Variants in NIP7 observed in about 807,000 individuals in gnomAD.
NIP7 encodes nucleolar pre-rRNA processing protein NIP7, also known as 60S ribosome subunit biogenesis protein NIP7 homolog.
NIP7 carries 12 observed loss-of-function variants against 20.1 expected under a neutral mutation model. The observed-to-expected ratio is 0.60, with a 90% CI of 0.38 to 0.97. The LOEUF is 0.97. NIP7 is among the 50% of genes least tolerant of loss of function. NIP7 has a pLI of 0.00. For missense variants in NIP7, 226 were observed against 226.6 expected (o/e 1.00, Z 0.02); for synonymous variants, 103 against 87.2 (o/e 1.18, Z -1.01).
chr16:69,341,038 TAGAC>T (rs1567434879), intron 3 of NIP7, 138 bp from the exon 4 acceptor site: 20 of 717,016 alleles, frequency 2.8e-5, no homozygotes, highest in Non-Finnish European at 4.5e-5. Context: ...GTTCAGGAGA[TAGAC>T]AGTTTGAGGA....
In NIP7 at chr16:69,341,541, G is replaced by A; in HGVS notation, c.432G>A (p.Gly144=). The change falls in exon 5 of 5, where the codon GGG becomes GGA. Residue 144 remains glycine, a synonymous_variant. Transcript: ENST00000254940. ...CTTCTTTTGAATCCCAGGGTTTTGG[G>A]GTGGCAGCCAAATCTACACAAGACT... is the stretch of plus-strand genomic sequence containing the variant. ...YSMADIPLGF[G]VAAKSTQDCR... 6.2e-7 allele frequency: 1 copy of A among 1,614,078 alleles called. No individual in the cohort carries two copies. The highest frequency in any genetic ancestry group is 8.5e-7 in the Non-Finnish European group (1 of 1,180,002).
At chr16:69,339,952 G>A in intron 1 of NIP7, 54 bp from the exon 2 acceptor site, 1 of 1,613,162 alleles carries the variant, frequency 6.2e-7, no homozygotes, top group Admixed American at 1.7e-5. Flanking sequence ...TGGGGGCGCG[G>A]TGCCGGAGAC....
intron 3 of NIP7, 91 bp downstream of exon 3, chr16:69,340,423 C>T (rs759454759): frequency 6.0e-6 from 9 of 1,503,334 alleles, no homozygotes; most frequent in Non-Finnish European, 8.1e-6. Context: ...GAGTCCCTGA[C>T]AGTGTGCTTG....
Position 69,340,015 on chromosome 16 carries a change from G to C in NIP7, c.66G>C (p.Glu22Asp). ...MFEKIAKYIG[E>D]NLQLLVDRPD... ...CTCTTTTTGCCCTCAGCATTGGGGA[G>C]AATCTTCAACTGCTGGTGGACCGGC... Residue 22 changes from glutamate to aspartate, a missense_variant, in exon 2 of 5, where the codon GAG (glutamate) becomes GAC (aspartate). Transcript: ENST00000254940. The C allele has an allele frequency of 1.2e-6, 2 of 1,614,136 alleles. No individual in the cohort carries two copies. Among genetic ancestry groups the C allele is most frequent in the Non-Finnish European group, 1.7e-6 (2 of 1,180,032 alleles).
Position 69,342,669 on chromosome 16 carries a change from A to ATT in NIP7, c.*1018_*1019dup, listed in dbSNP as rs1419566734. 1 of 152,040 alleles carries ATT rather than the reference A, an allele frequency of 6.6e-6. No individual in the cohort carries two copies. Among genetic ancestry groups the ATT allele is most frequent in the Non-Finnish European group, 1.5e-5 (1 of 68,024 alleles). The allele number at this position is 152,040 out of a possible 1,614,324, so 9.4% of individuals were successfully genotyped here. ...TGGAATAAATGGTAATTATTTTTATATTATATATATTATGTATTCCTGTTA... is the reference window on the plus strand; with the variant it reads ...TGGAATAAATGGTAATTATTTTTATATTTTATATATATTATGTATTCCTGTTA... On this transcript the variant is annotated 3_prime_UTR_variant, in exon 5 of 5. Transcript: ENST00000254940.
At position 69,340,227 on chromosome 16, in the gene NIP7, C is replaced by T. The variant is rs907210470; in HGVS notation, c.177C>T (p.Ser59=). The T allele has an allele frequency of 2.5e-6, 4 of 1,614,038 alleles. No homozygotes were observed. The highest frequency in any genetic ancestry group is 2.5e-6 in the Non-Finnish European group (3 of 1,180,056). ...TTATGAAGCTGGCCGCCAATATTTCCGGGGACAAGCTGGTGTCGCTGGGGA... is the reference window on the plus strand; with the variant it reads ...TTATGAAGCTGGCCGCCAATATTTCTGGGGACAAGCTGGTGTCGCTGGGGA... ...EKIMKLAANI[S]GDKLVSLGTC... is the part of the protein sequence containing the mutation. The change falls in exon 3 of 5, where the codon TCC becomes TCT. Residue 59 remains serine, a synonymous_variant. Coordinates refer to ENST00000254940, the MANE Select transcript of NIP7 (RefSeq NM_016101.5).
rs2012541622 is a variant in NIP7, at chr16:69,341,301, C to T, written c.404C>T (p.Ser135Phe). The T allele has an allele frequency of 6.2e-7, 1 of 1,614,048 alleles. No individual in the cohort carries two copies. The highest frequency in any genetic ancestry group is 8.5e-7 in the Non-Finnish European group (1 of 1,179,998). ...CAGTACCAGGGCGTGGTGGTGTACT[C>T]CATGGCAGACATCCCTTTGGTGAGT... ...TSQYQGVVVY[S>F]MADIPLGFGV... The change falls in exon 4 of 5, where the codon TCC (serine) becomes TTC (phenylalanine). Residue 135 changes from serine to phenylalanine, a missense_variant. Ser to Phe is a radical substitution (Grantham distance 155). Transcript: ENST00000254940.
rs746784045 is a variant in NIP7, at chr16:69,341,788, C to T, written c.*136C>T. On this transcript the variant is annotated 3_prime_UTR_variant, in exon 5 of 5. Coordinates refer to ENST00000254940, the MANE Select transcript of NIP7 (RefSeq NM_016101.5). ...AGGGACTTCTTATTTACTGTACTCTCTATCACTGACAAATGCAGGCTGGAT... is the reference window on the plus strand; with the variant it reads ...AGGGACTTCTTATTTACTGTACTCTTTATCACTGACAAATGCAGGCTGGAT... 1.1e-5 allele frequency: 11 copies of T among 989,296 alleles called. No individual in the cohort carries two copies. Among genetic ancestry groups the T allele is most frequent in the African/African-American group, 3.2e-5 (2 of 61,572 alleles). The allele number at this position is 989,296 out of a possible 1,614,324, so 61.3% of individuals were successfully genotyped here. A position where few individuals can be genotyped will look rare whatever the true frequency, so the allele number is the denominator to read the frequency against.
In NIP7 at chr16:69,339,772, G is replaced by T; in HGVS notation, c.-58G>T. On this transcript the variant is annotated 5_prime_UTR_variant, in exon 1 of 5. Coordinates refer to ENST00000254940, the MANE Select transcript of NIP7 (RefSeq NM_016101.5). ...GATTGCCGGGGAGCAGCGAGCGACC[G>T]ACTTCCGTTTCCAGTTACCAAGGCA... 3 of 1,598,008 alleles carry T rather than the reference G, an allele frequency of 1.9e-6. No individual in the cohort carries two copies. The South Asian group carries it at 3.3e-5, about 18-fold the overall frequency.
chr16:69,341,771 C>A lies in NIP7; in HGVS notation c.*119C>A. ...AACACTCTGGCCTCTTCAGGGACTT[C>A]TTATTTACTGTACTCTCTATCACTG... On this transcript the variant is annotated 3_prime_UTR_variant, in exon 5 of 5. Coordinates refer to ENST00000254940, the MANE Select transcript of NIP7 (RefSeq NM_016101.5). The A allele has an allele frequency of 8.4e-7, 1 of 1,193,276 alleles. No homozygotes were observed. The highest frequency in any genetic ancestry group is 1.2e-6 in the Non-Finnish European group (1 of 832,820). 73.9% of individuals were successfully genotyped at this position (1,193,276 alleles called of 1,614,324 possible).
At chr16:69,340,697 T>C (rs2012505290) in intron 3 of NIP7, 1 of 242,200 alleles carries the variant, frequency 4.1e-6, no homozygotes, top group Non-Finnish European at 8.0e-6. Context: ...TTTCTTTTTC[T>C]TTCTTGCTCT....
intron 2 of NIP7, 44 bp from the exon 3 acceptor site, chr16:69,340,150 G>A (rs1410452646): frequency 6.8e-6 from 11 of 1,613,390 alleles, no homozygotes; most frequent in Non-Finnish European, 9.3e-6. Context: ...TGGGTCCCAC[G>A]AGCCTCCTTC....
In NIP7 at chr16:69,341,797, A is replaced by C; in HGVS notation, c.*145A>C. 1 of 916,122 alleles carries C rather than the reference A, an allele frequency of 1.1e-6. No individual in the cohort carries two copies. The highest frequency in any genetic ancestry group is 1.6e-6 in the Non-Finnish European group (1 of 609,426). The allele number at this position is 916,122 out of a possible 1,614,324, so 56.7% of individuals were successfully genotyped here. ...TTATTTACTGTACTCTCTATCACTG[A>C]CAAATGCAGGCTGGATTCTTATTAT... On this transcript the variant is annotated 3_prime_UTR_variant, in exon 5 of 5. Transcript: ENST00000254940.
At position 69,339,846 on chromosome 16, in the gene NIP7, A is replaced by C; in HGVS notation, c.17A>C (p.Glu6Ala). 1.9e-6 allele frequency: 3 copies of C among 1,613,476 alleles called. No homozygotes were observed. Among genetic ancestry groups the C allele is most frequent in the Non-Finnish European group, 2.5e-6 (3 of 1,180,034 alleles). The change falls in exon 1 of 5, where the codon GAA becomes GCA. Residue 6 changes from glutamate (E) to alanine (A), a missense_variant. Coordinates refer to ENST00000254940, the MANE Select transcript of NIP7 (RefSeq NM_016101.5). Reference protein sequence around the residue: MRPLTEEETRVMFEKI... With the variant: MRPLTAEETRVMFEKI... ...GGGGGAAAAATGCGGCCTTTGACTG[A>C]AGAGGAGACCCGTGTCATGTTTGAG...
Position 69,340,328 on chromosome 16 carries a change from C to T in NIP7, c.278C>T (p.Ala93Val), listed in dbSNP as rs753704494. 9 of 1,611,698 alleles carry T rather than the reference C, an allele frequency of 5.6e-6. No homozygotes were observed. In the Admixed American group the frequency reaches 1.3e-4, roughly 24 times the overall value. The change falls in exon 3 of 5, where the codon GCC (alanine) becomes GTC (valine). Residue 93 changes from alanine (A) to valine (V), a missense_variant. Physicochemically the swap from Ala to Val is moderately conservative, Grantham distance 64. Coordinates refer to ENST00000254940, the MANE Select transcript of NIP7 (RefSeq NM_016101.5). ...GCTCTGGATTACCTTGCACCTTATG[C>T]CAAGGTTTGTGGGGCGGTTTCCAAT... is the stretch of plus-strand genomic sequence containing the variant. The part of the protein sequence containing the change: ...VTALDYLAPY[A>V]KYKVWIKPGA...
Position 69,341,334 on chromosome 16 carries a change from GT to G in NIP7, c.423+15del, listed in dbSNP as rs2012543511. On this transcript the variant is annotated intron_variant, in intron 4 of 4. Coordinates refer to ENST00000254940, the MANE Select transcript of NIP7 (RefSeq NM_016101.5). Reference sequence around the variant, plus strand: ...GACATCCCTTTGGTGAGTAGAGATGGTAGCTGTTACAGAACTCAAGTACTCT... The same window carrying G: ...GACATCCCTTTGGTGAGTAGAGATGGAGCTGTTACAGAACTCAAGTACTCT... 6.2e-7 allele frequency: 1 copy of G among 1,612,684 alleles called. No homozygotes were observed. Among genetic ancestry groups the G allele is most frequent in the African/African-American group, 1.3e-5 (1 of 74,628 alleles).
In NIP7 at chr16:69,341,255, C is replaced by G. The variant is rs61737981; in HGVS notation, c.358C>G (p.Arg120Gly). The G allele has an allele frequency of 1.6e-5, 26 of 1,613,868 alleles. No individual in the cohort carries two copies. The highest frequency in any genetic ancestry group is 2.0e-5 in the Non-Finnish European group (24 of 1,179,988). Reference sequence around the variant, plus strand: ...CCATGTGTTGAAATCTGGTCTGGGTCGAATCACTGAAAATACTTCTCAGTA... The same window carrying G: ...CCATGTGTTGAAATCTGGTCTGGGTGGAATCACTGAAAATACTTCTCAGTA... ...GNHVLKSGLG[R>G]ITENTSQYQG... Residue 120 changes from arginine to glycine, a missense_variant, in exon 4 of 5, where the codon CGA (arginine) becomes GGA (glycine). Arg to Gly is a moderately radical substitution (Grantham distance 125, BLOSUM62 -2). Coordinates refer to ENST00000254940, the MANE Select transcript of NIP7 (RefSeq NM_016101.5).
chr16:69,341,562 A>G lies in NIP7; in HGVS notation c.453A>G (p.Gln151=). ...TTGGGGTGGCAGCCAAATCTACACA[A>G]GACTGCAGAAAAGTAGACCCCATGG... ...LGFGVAAKST[Q]DCRKVDPMAI... is the part of the protein sequence containing the mutation. Residue 151 remains glutamine, a synonymous_variant, in exon 5 of 5, where the codon CAA becomes CAG. Coordinates refer to ENST00000254940, the MANE Select transcript of NIP7 (RefSeq NM_016101.5). 6.2e-7 allele frequency: 1 copy of G among 1,614,176 alleles called. No individual in the cohort carries two copies. Among genetic ancestry groups the G allele is most frequent in the Non-Finnish European group, 8.5e-7 (1 of 1,180,008 alleles).
At position 69,341,182 on chromosome 16, in the gene NIP7, T is replaced by C; in HGVS notation, c.285T>C (p.Tyr95=). The C allele has an allele frequency of 6.2e-7, 1 of 1,613,168 alleles. No individual in the cohort carries two copies. Among genetic ancestry groups the C allele is most frequent in the Non-Finnish European group, 8.5e-7 (1 of 1,179,546 alleles). The stretch of plus-strand genomic sequence containing the variant: ...CTTGGATTTTAATTCTCTTATAGTA[T>C]AAAGTTTGGATAAAGCCTGGTGCAG... The part of the protein sequence containing the change: ...ALDYLAPYAK[Y]KVWIKPGAEQ... Residue 95 remains tyrosine, a splice_region_variant and synonymous_variant, in exon 4 of 5, where the codon TAT becomes TAC. Coordinates refer to ENST00000254940, the MANE Select transcript of NIP7 (RefSeq NM_016101.5).
Sources: allele counts gnomAD v4.1 joint callset, GRCh38; gene constraint gnomAD v4.1.1; transcripts MANE v1.5; gene names NCBI Gene and HGNC (gene_info 2026-07-23, HGNC 2026-07-21).